Variants in CCDC73 observed in about 807,000 individuals in gnomAD.
CCDC73 encodes coiled-coil domain containing 73.
Under a neutral mutation model 116.5 loss-of-function variants are expected in CCDC73, and 95 were observed. The ratio of observed to expected loss-of-function variants is 0.82; its 90% CI spans 0.69 to 0.97. The LOEUF (loss-of-function observed/expected upper bound fraction) is 0.97, where lower values mean the gene tolerates loss of function less well. CCDC73 is among the 50% of genes least tolerant of loss of function. CCDC73 has a pLI of 0.00. For missense variants in CCDC73, 1,066 were observed against 1,206.8 expected (o/e 0.88, Z 1.73); for synonymous variants, 398 against 401.3 (o/e 0.99, Z 0.10).
chr11:32,718,691 T>G (rs1849965764), intron 2 of CCDC73, among the ~76,000 whole-genome samples: 1 of 152,084 alleles, frequency 6.6e-6, no homozygotes, highest in Admixed American at 6.5e-5. Flanking sequence ...CAACAGAAAC[T>G]ATAGCTAAAA....
At chr11:32,625,006 T>C (rs1855557026) in intron 14 of CCDC73, among the ~76,000 whole-genome samples, 1 of 152,238 alleles carries the variant, frequency 6.6e-6, no homozygotes, top group Admixed American at 6.5e-5. Context: ...ACAGGTGTTG[T>C]TGAATTGATC....
At chr11:32,808,174 A>C in the CCDC73 span, among the ~76,000 whole-genome samples, 1 of 152,242 alleles carries the variant, frequency 6.6e-6, no homozygotes, top group African/African-American at 2.4e-5. Flanking sequence ...AAAGGAAAAA[A>C]AATATCAGAA....
intron 14 of CCDC73, among the ~76,000 whole-genome samples, chr11:32,627,361 C>T (rs1341052484): frequency 2.6e-5 from 4 of 152,322 alleles, no homozygotes; most frequent in African/African-American, 9.6e-5. Context: ...AACACTTTTA[C>T]GCTGTTGGTG....
intron 2 of CCDC73, among the ~76,000 whole-genome samples, chr11:32,748,626 C>T (rs184542764): frequency 1.6e-4 from 24 of 152,226 alleles, no homozygotes; most frequent in Admixed American, 1.5e-3. Flanking sequence ...CTGTGTTTTT[C>T]TGTGTACCTA....
the CCDC73 span, among the ~76,000 whole-genome samples, chr11:32,806,307 A>G: frequency 1.7e-4 from 26 of 152,314 alleles, no homozygotes; most frequent in Non-Finnish European, 2.8e-4. Context: ...AAGGAGACAC[A>G]GGAAAAATCA....
At chr11:32,784,295 C>A (rs1259446700) in intron 1 of CCDC73, among the ~76,000 whole-genome samples, 2 of 150,996 alleles carry the variant, frequency 1.3e-5, no homozygotes. Context: ...CGCCACTGCA[C>A]TCCAGCCTAA....
intron 14 of CCDC73, among the ~76,000 whole-genome samples, chr11:32,623,135 A>G (rs1180780978): frequency 2.6e-5 from 4 of 151,508 alleles, no homozygotes; most frequent in Non-Finnish European, 4.4e-5. Context: ...CAGCCTCCTG[A>G]GTAGCTGGGA....
intron 2 of CCDC73, among the ~76,000 whole-genome samples, chr11:32,735,096 T>C (rs1037902039): frequency 1.3e-5 from 2 of 152,218 alleles, no homozygotes; most frequent in African/African-American, 4.8e-5. Context: ...AGCATTCCCT[T>C]TGACAACTGG....
intron 14 of CCDC73, among the ~76,000 whole-genome samples, chr11:32,631,814 C>A (rs1855633961): frequency 6.6e-6 from 1 of 152,080 alleles, no homozygotes; most frequent in Non-Finnish European, 1.5e-5. Context: ...ACACTCCAGC[C>A]TGGGTGACAG....
intron 13 of CCDC73, among the ~76,000 whole-genome samples, chr11:32,639,870 ATTG>A (rs1206431006): frequency 9.9e-5 from 15 of 152,186 alleles, no homozygotes; most frequent in Non-Finnish European, 1.9e-4. Flanking sequence ...TATACATAAC[ATTG>A]TTATTTTTAA....
intron 17 of CCDC73, 91 bp from the exon 18 acceptor site, chr11:32,603,111 A>T: frequency 2.0e-6 from 2 of 1,005,466 alleles, no homozygotes; most frequent in Non-Finnish European, 2.9e-6. Context: ...AGTATGTGGT[A>T]AAACCACCAT....
rs769157609 is a variant in CCDC73 at position 32,613,505 on chromosome 11, T to A, written c.2813A>T (p.Asp938Val). ...ISLLLKERPL[D>V]PSENKKIISM... Reference sequence around the variant, plus strand: ...AATGATCTTTTTGTTTTCTGATGGATCTAGTGGTCTCTCCTTCAGCAACAA... The same window carrying A: ...AATGATCTTTTTGTTTTCTGATGGAACTAGTGGTCTCTCCTTCAGCAACAA... The change falls in exon 16 of 18, where the codon GAT becomes GTT. Residue 938 changes from aspartate (D) to valine (V), a missense_variant. Physicochemically the swap from Asp to Val is radical, Grantham distance 152. Transcript: ENST00000335185. 1.2e-5 allele frequency: 20 copies of A among 1,614,118 alleles called. No individual in the cohort carries two copies. Among genetic ancestry groups the A allele is most frequent in the East Asian group, 8.9e-5 (4 of 44,872 alleles).
At chr11:32,733,742 C>A (rs1365921509) in intron 2 of CCDC73, among the ~76,000 whole-genome samples, 2 of 152,084 alleles carry the variant, frequency 1.3e-5, no homozygotes, top group African/African-American at 4.8e-5. Flanking sequence ...ACACAACATA[C>A]CAGAATCTCT....
intron 14 of CCDC73, among the ~76,000 whole-genome samples, chr11:32,625,477 G>C (rs949632353): frequency 6.6e-6 from 1 of 152,072 alleles, no homozygotes; most frequent in Non-Finnish European, 1.5e-5. Context: ...CAGGCCTGGT[G>C]GTGACAAAAT....
intron 2 of CCDC73, chr11:32,758,651 A>G: frequency 3.4e-6 from 1 of 297,832 alleles, no homozygotes; most frequent in Non-Finnish European, 6.7e-6. Context: ...TAAAAGAAAA[A>G]AAAAACGCTA....
intron 6 of CCDC73, among the ~76,000 whole-genome samples, chr11:32,692,217 G>T (rs1413315030): frequency 6.6e-6 from 1 of 151,810 alleles, no homozygotes; most frequent in Non-Finnish European, 1.5e-5. Flanking sequence ...TTTTCATATG[G>T]ATATCTAGCT....
intron 1 of CCDC73, among the ~76,000 whole-genome samples, chr11:32,781,247 A>G (rs111967020): frequency 0.012 from 1,823 of 152,334 alleles, 36 homozygotes; most frequent in African/African-American, 0.042. Flanking sequence ...AAGATAGTGG[A>G]TTGAACAGTG....
chr11:32,649,942 C>G (rs1463023906), intron 12 of CCDC73, among the ~76,000 whole-genome samples: 2 of 152,076 alleles, frequency 1.3e-5, no homozygotes, highest in African/African-American at 4.8e-5. Flanking sequence ...TCTAGCTTCT[C>G]TATATACTAT....
At chr11:32,728,865 C>A (rs374535795) in intron 2 of CCDC73, among the ~76,000 whole-genome samples, 2 of 152,064 alleles carry the variant, frequency 1.3e-5, no homozygotes. Context: ...CCACCACACT[C>A]GACTAATTTT....
Sources: allele counts gnomAD v4.1 joint callset (sites outside exome capture counted in the v4.1 genomes callset), GRCh38; gene constraint gnomAD v4.1.1; transcripts MANE v1.5; gene names NCBI Gene and HGNC (gene_info 2026-07-23, HGNC 2026-07-21).